The following MRC1 variants were observed in gnomAD, a reference collection of about 807,000 sequenced individuals.
MRC1 encodes the protein macrophage mannose receptor 1.
Under a neutral mutation model 102.9 loss-of-function variants are expected in MRC1, and 62 were observed. The observed-to-expected ratio is 0.60, with a 90% CI of 0.49 to 0.74. MRC1 has a LOEUF of 0.74. MRC1 is among the 30% of genes least tolerant of loss of function. The pLI, the probability that MRC1 is intolerant of heterozygous loss-of-function variation, is 0.00. For missense variants in MRC1, 1,237 were observed against 862.8 expected, an observed-to-expected ratio of 1.43 and a Z score of -5.43; for synonymous variants, 457 against 298.4, an observed-to-expected ratio of 1.53 and a Z score of -5.48.
At chr10:17,814,647 C>T (rs1051949093) in intron 1 of MRC1, among the ~76,000 whole-genome samples, 67 of 150,474 alleles carry the variant, frequency 4.5e-4, no homozygotes, top group African/African-American at 1.6e-3. Flanking sequence ...AGAAACCCTG[C>T]AGTTCCGTGT....
chr10:17,852,909 C>G (rs1838938277), intron 7 of MRC1, 58 bp from the exon 8 acceptor site: 2 of 780,306 alleles, frequency 2.6e-6, no homozygotes, highest in Admixed American at 3.4e-5. Flanking sequence ...TTCCTTTTAC[C>G]CCCCGACCTT....
intron 4 of MRC1, 139 bp from the exon 5 acceptor site, chr10:17,840,554 A>C: frequency 1.5e-6 from 1 of 671,438 alleles, no homozygotes; most frequent in Non-Finnish European, 2.7e-6. Context: ...CAGGAGAATC[A>C]AAGGAGACAT....
rs577261174 is a variant in MRC1, at chr10:17,816,084, G to C, written c.61+6558G>C. Among the ~76,000 whole-genome samples the C allele has an allele frequency of 8.1e-3, 1,228 of 152,128 alleles. 13 individuals carry two copies. The highest frequency in any genetic ancestry group is 0.028 in the African/African-American group (1,167 of 41,530). On this transcript the variant is annotated intron_variant, in intron 1 of 29. Transcript: ENST00000569591. ...GGTGATCCGCCTGCCTTGGCCTCCT[G>C]TTCAACATTTCTAAGCCTAAGACTG...
intron 29 of MRC1, 46 bp from the exon 30 acceptor site, chr10:17,910,169 C>G (rs1202091328): frequency 4.6e-5 from 36 of 779,878 alleles, no homozygotes; most frequent in Non-Finnish European, 3.3e-5. Context: ...GCATGCAACC[C>G]TCTGCCTCCC....
chr10:17,849,783 A>T lies in MRC1; in HGVS notation c.1249+19A>T, dbSNP rs1212821673. On this transcript the variant is annotated intron_variant, in intron 7 of 29. Transcript: ENST00000569591. The stretch of plus-strand genomic sequence containing the variant: ...GGATATGGTGAGAAACTTGACAGTG[A>T]TAATATACTTGGCTTTAATCCTGGG... 1 of 774,802 alleles carries T rather than the reference A, an allele frequency of 1.3e-6. No individual in the cohort carries two copies. Among genetic ancestry groups the T allele is most frequent in the African/African-American group, 1.7e-5 (1 of 59,160 alleles). 48.0% of individuals were successfully genotyped at this position (774,802 alleles called of 1,614,324 possible).
Position 17,863,606 on chromosome 10 carries a change from T to C in MRC1, c.1707T>C (p.Asp569=), listed in dbSNP as rs1833217219. The change falls in exon 11 of 30, where the codon GAT becomes GAC. Residue 569 remains aspartate, a synonymous_variant. Transcript: ENST00000569591. ...PEKYFWTGLS[D]IQTKGTFQWT... ...AATATTTCTGGACAGGACTTTCAGA[T>C]ATACAAACCAAAGGGACTTTTCAGT... 2 of 780,892 alleles carry C rather than the reference T, an allele frequency of 2.6e-6. No individual in the cohort carries two copies. Among genetic ancestry groups the C allele is most frequent in the East Asian group, 4.8e-5 (2 of 41,256 alleles). 48.4% of individuals were successfully genotyped at this position (780,892 alleles called of 1,614,324 possible). A position where few individuals can be genotyped will look rare whatever the true frequency, so the allele number is the denominator to read the frequency against.
chr10:17,849,493 A>G (rs1838879166), intron 6 of MRC1, 86 bp from the exon 7 acceptor site: 1 of 712,380 alleles, frequency 1.4e-6, no homozygotes, highest in Admixed American at 2.0e-5. Context: ...AAGCTGTTTC[A>G]TGTATTATAT....
chr10:17,895,635 A>T (rs1833744243), intron 23 of MRC1, among the ~76,000 whole-genome samples: 1 of 152,196 alleles, frequency 6.6e-6, no homozygotes. Context: ...TGAAAACAAC[A>T]CAGTATGCAG....
intron 20 of MRC1, 61 bp downstream of exon 20, chr10:17,880,731 T>C (rs1833501964): frequency 2.6e-6 from 2 of 778,040 alleles, no homozygotes; most frequent in Non-Finnish European, 4.8e-6. Context: ...TGCAAATCTT[T>C]CAGCTCAAAG....
Position 17,838,358 on chromosome 10 carries a change from C to T in MRC1, c.803-2335C>T, listed in dbSNP as rs182893208. Among the ~76,000 whole-genome samples the T allele has an allele frequency of 3.8e-3, 575 of 152,210 alleles. 5 individuals are homozygous for T. The highest frequency in any genetic ancestry group is 0.019 in the Admixed American group (283 of 15,280). ...CTACCCACAGCTGTTTTATCGTCTT[C>T]CCTTCTGTTTCTACCCCGAAAAATG... On this transcript the variant is annotated intron_variant, in intron 4 of 29. Coordinates refer to ENST00000569591, the MANE Select transcript of MRC1 (RefSeq NM_002438.4).
At chr10:17,816,520 T>C (rs1838315675) in intron 1 of MRC1, among the ~76,000 whole-genome samples, 2 of 152,142 alleles carry the variant, frequency 1.3e-5, no homozygotes, top group African/African-American at 4.8e-5. Flanking sequence ...TGGCCTCTGA[T>C]GAAGGCTTCC....
At chr10:17,824,784 C>A (rs1039081208) in intron 2 of MRC1, among the ~76,000 whole-genome samples, 1 of 152,016 alleles carries the variant, frequency 6.6e-6, no homozygotes, top group African/African-American at 2.4e-5. Context: ...GCTAAGAAAT[C>A]GGATTTTTAT....
chr10:17,837,590 A>G (rs1838687057), intron 4 of MRC1, among the ~76,000 whole-genome samples: 1 of 151,832 alleles, frequency 6.6e-6, no homozygotes, highest in Admixed American at 6.6e-5. Context: ...GGTTTTGAAA[A>G]GTCTGTATCT....
intron 1 of MRC1, among the ~76,000 whole-genome samples, chr10:17,821,400 T>G (rs1838394083): frequency 6.6e-6 from 1 of 152,182 alleles, no homozygotes; most frequent in South Asian, 2.1e-4. Flanking sequence ...ATCTACCACC[T>G]TTACCCAAAA....
intron 21 of MRC1, among the ~76,000 whole-genome samples, chr10:17,881,670 A>ATTTTTTTTTTT (rs1184943960): frequency 1.8e-4 from 19 of 102,770 alleles, no homozygotes; most frequent in East Asian, 5.6e-4. Flanking sequence ...ACAAATTTTG[A>ATTTTTTTTTTT]TTTTTTTTTT....
Position 17,863,631 on chromosome 10 carries a change from T to C in MRC1, c.1732T>C (p.Trp578Arg), listed in dbSNP as rs1833217780. 3 of 780,780 alleles carry C rather than the reference T, an allele frequency of 3.8e-6. No homozygotes were observed. The highest frequency in any genetic ancestry group is 3.4e-5 in the African/African-American group (2 of 59,142). The allele number at this position is 780,780 out of a possible 1,614,324, so 48.4% of individuals were successfully genotyped here. ...TATACAAACCAAAGGGACTTTTCAG[T>C]GGACCATCGAGGAAGAGGTTCGGTT... Reference protein sequence around the residue: ...SDIQTKGTFQWTIEEEVRFTH... With the variant: ...SDIQTKGTFQRTIEEEVRFTH... Residue 578 changes from tryptophan to arginine, a missense_variant, in exon 11 of 30, where the codon TGG becomes CGG. Physicochemically the swap from Trp to Arg is moderately radical, Grantham distance 101 (BLOSUM62 -3). Coordinates refer to ENST00000569591, the MANE Select transcript of MRC1 (RefSeq NM_002438.4).
chr10:17,879,805 C>T lies in MRC1; in HGVS notation c.2703C>T (p.Thr901=). The change falls in exon 19 of 30, where the codon ACC becomes ACT. Residue 901 remains threonine, a synonymous_variant. Coordinates refer to ENST00000569591, the MANE Select transcript of MRC1 (RefSeq NM_002438.4). ...CAAATGAAGATGAAAACTGTGTGACCATGTATTCAAATTCAGGTAGGCAAG... is the reference window on the plus strand; with the variant it reads ...CAAATGAAGATGAAAACTGTGTGACTATGTATTCAAATTCAGGTAGGCAAG... The part of the protein sequence containing the change: ...NFANEDENCV[T]MYSNSGFWND... 2.6e-6 allele frequency: 2 copies of T among 780,816 alleles called. No individual in the cohort carries two copies. Among genetic ancestry groups the T allele is most frequent in the South Asian group, 2.7e-5 (2 of 74,608 alleles). 48.4% of individuals were successfully genotyped at this position (780,816 alleles called of 1,614,324 possible). A position where few individuals can be genotyped will look rare whatever the true frequency, so the allele number is the denominator to read the frequency against.
At position 17,869,437 on chromosome 10, in the gene MRC1, A is replaced by AT. The variant is rs1169048058; in HGVS notation, c.1984-801dup. 2.3e-3 allele frequency among the ~76,000 whole-genome samples: 342 copies of AT among 151,858 alleles called. 1 individual carries two copies. The highest frequency in any genetic ancestry group is 0.014 in the Middle Eastern group (4 of 294). ...GGCAACCATAGTGCCTTGGAAGCAA[A>AT]TTTTTTTTCCCACAAGGCTGTGATG... On this transcript the variant is annotated intron_variant, in intron 12 of 29. Transcript: ENST00000569591.
chr10:17,897,289 G>A (rs1330460501), intron 23 of MRC1, among the ~76,000 whole-genome samples: 1 of 152,126 alleles, frequency 6.6e-6, no homozygotes, highest in Non-Finnish European at 1.5e-5. Context: ...TTGACATGAA[G>A]TGGCTCAGAG....
Sources: allele counts gnomAD v4.1 joint callset (sites outside exome capture counted in the v4.1 genomes callset), GRCh38; gene constraint gnomAD v4.1.1; transcripts MANE v1.5; gene names NCBI Gene and HGNC (gene_info 2026-07-23, HGNC 2026-07-21).